Variants in FBXW11 observed in about 807,000 individuals in gnomAD.
FBXW11 encodes the protein F-box and WD repeat domain containing 11.
FBXW11 carries 19 observed loss-of-function variants against 77.6 expected under a neutral mutation model. The observed-to-expected ratio is 0.24, with a 90% CI of 0.17 to 0.36. The LOEUF (loss-of-function observed/expected upper bound fraction) is 0.36, where lower values mean the gene tolerates loss of function less well. FBXW11 is among the 10% of genes least tolerant of loss of function. FBXW11 has a pLI of 1.00. For missense variants in FBXW11, 334 were observed against 704.2 expected (o/e 0.47, Z 5.95); for synonymous variants, 235 against 249.4 (o/e 0.94, Z 0.54).
intron 1 of FBXW11, among the ~76,000 whole-genome samples, chr5:171,962,318 A>C (rs2113353802): frequency 6.6e-6 from 1 of 152,346 alleles, no homozygotes; most frequent in Non-Finnish European, 1.5e-5. Context: ...ACTTAACAGA[A>C]GACTTTGGAG....
In FBXW11 at chr5:171,962,904, C is replaced by G. The variant is rs371198209; in HGVS notation, c.46-5206G>C. Among the ~76,000 whole-genome samples the G allele has an allele frequency of 2.0e-5, 3 of 152,246 alleles. No homozygotes were observed. The East Asian group carries it at 5.8e-4, about 29-fold the overall frequency. The stretch of plus-strand genomic sequence containing the variant: ...GAGGTATTTTATGTTAATCATCTCT[C>G]TAATGTTATAACCTCTGATTTAGAA... On this transcript the variant is annotated intron_variant, in intron 1 of 13. Coordinates refer to ENST00000517395, the MANE Select transcript of FBXW11 (RefSeq NM_001378974.1).
chr5:171,910,630 T>C lies in FBXW11; in HGVS notation c.378A>G (p.Gly126=). The C allele has an allele frequency of 6.2e-7, 1 of 1,614,000 alleles. No individual in the cohort carries two copies. Among genetic ancestry groups the C allele is most frequent in the Non-Finnish European group, 8.5e-7 (1 of 1,179,948 alleles). ...TGGGCTTCAGGTAAGAGTTAATATG[T>C]CCATGCTGATAATGACACATTCGTG... ...LISRMCHYQH[G]HINSYLKPML... Residue 126 remains glycine (G), a synonymous_variant, in exon 4 of 14, where the codon GGA becomes GGG. Coordinates refer to ENST00000517395, the MANE Select transcript of FBXW11 (RefSeq NM_001378974.1).
At chr5:171,990,335 A>C (rs1002728748) in intron 1 of FBXW11, among the ~76,000 whole-genome samples, 5 of 150,344 alleles carry the variant, frequency 3.3e-5, no homozygotes, top group African/African-American at 1.2e-4. Context: ...TTTAAAAAGC[A>C]AACAGTTTAA....
intron 2 of FBXW11, among the ~76,000 whole-genome samples, chr5:171,937,232 T>C (rs1023766842): frequency 6.6e-6 from 1 of 152,140 alleles, no homozygotes; most frequent in Middle Eastern, 3.2e-3. Context: ...AAAGCAAACT[T>C]ACATGAGTAT....
intron 2 of FBXW11, among the ~76,000 whole-genome samples, chr5:171,929,857 TA>T: frequency 6.6e-6 from 1 of 151,510 alleles, no homozygotes; most frequent in Non-Finnish European, 1.5e-5. Flanking sequence ...GTCTCAAAAA[TA>T]AAACATAAAA....
intron 5 of FBXW11, among the ~76,000 whole-genome samples, chr5:171,899,571 A>G (rs1202921113): frequency 6.6e-6 from 1 of 151,832 alleles, no homozygotes; most frequent in African/African-American, 2.4e-5. Context: ...CAGTAATAAC[A>G]AACAGCAAAA....
At chr5:171,972,543 A>G (rs1581053393) in intron 1 of FBXW11, among the ~76,000 whole-genome samples, 1 of 138,324 alleles carries the variant, frequency 7.2e-6, no homozygotes, top group Non-Finnish European at 1.6e-5. Context: ...AAACTATAGG[A>G]CTAAAACTTT....
At chr5:171,998,670 G>C (rs1766219600) in intron 1 of FBXW11, among the ~76,000 whole-genome samples, 1 of 151,434 alleles carries the variant, frequency 6.6e-6, no homozygotes, top group Non-Finnish European at 1.5e-5. Context: ...GGTGGCACAT[G>C]CCTACAATCC....
At chr5:171,911,658 G>C in intron 3 of FBXW11, among the ~76,000 whole-genome samples, 1 of 152,140 alleles carries the variant, frequency 6.6e-6, no homozygotes, top group East Asian at 1.9e-4. Context: ...TACCTGAAAA[G>C]CTCTGCATCT....
chr5:171,902,758 A>C (rs1000496746), intron 4 of FBXW11, among the ~76,000 whole-genome samples: 1 of 152,230 alleles, frequency 6.6e-6, no homozygotes, highest in Non-Finnish European at 1.5e-5. Context: ...GAAAAATCAC[A>C]ACCACAGGTT....
intron 1 of FBXW11, among the ~76,000 whole-genome samples, chr5:171,977,401 T>C (rs1322927683): frequency 6.6e-6 from 1 of 152,026 alleles, no homozygotes; most frequent in Non-Finnish European, 1.5e-5. Flanking sequence ...TCTCAGGTAT[T>C]TTGTTATAGC....
intron 2 of FBXW11, among the ~76,000 whole-genome samples, chr5:171,952,368 A>C (rs1455716091): frequency 7.2e-6 from 1 of 138,864 alleles, no homozygotes; most frequent in East Asian, 2.1e-4. Flanking sequence ...TTTTAACCAT[A>C]TATACATACA....
At chr5:171,938,039 A>G (rs1561702500) in intron 2 of FBXW11, among the ~76,000 whole-genome samples, 1 of 152,164 alleles carries the variant, frequency 6.6e-6, no homozygotes, top group Non-Finnish European at 1.5e-5. Context: ...TCCCAATAAG[A>G]AAATGAGGAA....
chr5:172,003,853 G>A (rs940887787), intron 1 of FBXW11, among the ~76,000 whole-genome samples: 1 of 152,210 alleles, frequency 6.6e-6, no homozygotes, highest in African/African-American at 2.4e-5. Context: ...AGATAACCAA[G>A]AAGTCTGTTT....
chr5:171,918,937 A>C (rs915672870), intron 2 of FBXW11, among the ~76,000 whole-genome samples: 14 of 152,158 alleles, frequency 9.2e-5, no homozygotes, highest in African/African-American at 2.9e-4. Context: ...GTGGGCTCCT[A>C]AACTTGACAC....
intron 1 of FBXW11, among the ~76,000 whole-genome samples, chr5:171,990,821 T>C (rs1204759921): frequency 8.5e-5 from 13 of 152,142 alleles, no homozygotes; most frequent in Admixed American, 3.3e-4. Context: ...CTTTTTTTTT[T>C]CGCTGGTTAC....
At chr5:171,959,957 T>C (rs530628539) in intron 1 of FBXW11, among the ~76,000 whole-genome samples, 5 of 152,136 alleles carry the variant, frequency 3.3e-5, no homozygotes, top group Non-Finnish European at 7.4e-5. Flanking sequence ...AAATTAAACC[T>C]GACAAGCTGA....
chr5:171,902,063 G>A (rs1760157518), intron 4 of FBXW11, among the ~76,000 whole-genome samples: 1 of 152,124 alleles, frequency 6.6e-6, no homozygotes, highest in Non-Finnish European at 1.5e-5. Context: ...AATATGCCCA[G>A]GGCACCCACA....
At chr5:171,947,602 T>C (rs1032227323) in intron 2 of FBXW11, among the ~76,000 whole-genome samples, 2 of 151,812 alleles carry the variant, frequency 1.3e-5, no homozygotes, top group Non-Finnish European at 2.9e-5. Context: ...AATAAGATAA[T>C]CTAAGGTATG....
Sources: gnomAD v4.1 joint callset for allele counts (sites outside exome capture counted in the v4.1 genomes callset) on GRCh38, gnomAD v4.1.1 for gene constraint, MANE v1.5 for transcripts, NCBI Gene and HGNC (gene_info 2026-07-23, HGNC 2026-07-21) for gene names.